PCDHAC2: variants seen among roughly 807,000 people sequenced by gnomAD.
PCDHAC2 encodes the protein protocadherin alpha subfamily C, 2.
Under a neutral mutation model 63.3 loss-of-function variants are expected in PCDHAC2, and 24 were observed. That is an observed-to-expected ratio of 0.38 (90% confidence interval 0.27 to 0.53). The LOEUF is 0.53. Among genes scored for constraint, PCDHAC2 ranks in the 20% least tolerant of loss-of-function variants. PCDHAC2 has a pLI of 0.81. For synonymous variants in PCDHAC2, 569 were observed against 529.4 expected (o/e 1.07, Z -1.03); for missense variants, 1,181 against 1,275.2 (o/e 0.93, Z 1.12).
Position 140,968,960 on chromosome 5 carries a change from T to C in PCDHAC2, c.2194T>C (p.Tyr732His), listed in dbSNP as rs1563384845. 6.2e-7 allele frequency: 1 copy of C among 1,614,212 alleles called. No individual in the cohort carries two copies. Among genetic ancestry groups the C allele is most frequent in the South Asian group, 1.1e-5 (1 of 91,080 alleles). ...CATCATTTTGAGCATCATCAAGTGC[T>C]ACCGCTACACTGCGTATGGCACTGC... ...TIIILSIIKC[Y>H]RYTAYGTACC... The change falls in exon 1 of 4, where the codon TAC becomes CAC. Residue 732 changes from tyrosine to histidine, a missense_variant. Physicochemically the swap from Tyr to His is moderately conservative, Grantham distance 83. Coordinates refer to ENST00000289269, the MANE Select transcript of PCDHAC2 (RefSeq NM_018899.6).
At position 141,011,373 on chromosome 5, in the gene PCDHAC2, TAA is replaced by T. The variant is rs1299941460; in HGVS notation, c.*1437_*1438del. The T allele has an allele frequency of 1.3e-5, 2 of 153,792 alleles. No homozygotes were observed. Among genetic ancestry groups the T allele is most frequent in the Non-Finnish European group, 2.9e-5 (2 of 68,046 alleles). The allele number at this position is 153,792 out of a possible 1,614,324, so 9.5% of individuals were successfully genotyped here. A position where few individuals can be genotyped will look rare whatever the true frequency, so the allele number is the denominator to read the frequency against. The stretch of plus-strand genomic sequence containing the variant: ...CCCATATGTATGCTGTATGCTATGC[TAA>T]GACTCCTGAAATATACTTACTCTGT... On this transcript the variant is annotated 3_prime_UTR_variant, in exon 4 of 4. Coordinates refer to ENST00000289269, the MANE Select transcript of PCDHAC2 (RefSeq NM_018899.6).
intron 1 of PCDHAC2, among the ~76,000 whole-genome samples, chr5:140,976,765 C>T (rs1483381591): frequency 6.6e-6 from 1 of 152,172 alleles, no homozygotes; most frequent in Non-Finnish European, 1.5e-5. Context: ...CAGAAGCCTG[C>T]TAGACTCTGA....
chr5:141,009,946 A>G lies in PCDHAC2; in HGVS notation c.*9A>G, dbSNP rs781855183. On this transcript the variant is annotated 3_prime_UTR_variant, in exon 4 of 4. Transcript: ENST00000289269. ...ACAACAGTGACCAGTGAGGTCCTCA[A>G]ATGGAAACAAGCCACTTAGCCAGTT... 8.8e-6 allele frequency: 14 copies of G among 1,596,354 alleles called. No homozygotes were observed. The highest frequency in any genetic ancestry group is 1.7e-4 in the Middle Eastern group (1 of 5,948).
intron 3 of PCDHAC2, among the ~76,000 whole-genome samples, chr5:140,993,683 G>A (rs2097577653): frequency 6.6e-6 from 1 of 152,080 alleles, no homozygotes; most frequent in Non-Finnish European, 1.5e-5. Flanking sequence ...TGTGACAGCT[G>A]TCCCATAAGA....
chr5:140,993,446 TCTC>T (rs1262965335), intron 3 of PCDHAC2, among the ~76,000 whole-genome samples: 4 of 146,376 alleles, frequency 2.7e-5, no homozygotes, highest in Non-Finnish European at 6.0e-5. Flanking sequence ...TCATTCCTGT[TCTC>T]CTTCTTTCTT....
chr5:140,968,548 G>T lies in PCDHAC2; in HGVS notation c.1782G>T (p.Val594=). Residue 594 remains valine (V), a synonymous_variant, in exon 1 of 4, where the codon GTG becomes GTT. Coordinates refer to ENST00000289269, the MANE Select transcript of PCDHAC2 (RefSeq NM_018899.6). ...STNSSAAFEM[V]PRTAPAGYLV... The stretch of plus-strand genomic sequence containing the variant: ...ACTCGTCAGCAGCCTTCGAGATGGT[G>T]CCTCGAACTGCCCCTGCTGGCTACC... 1 of 1,614,174 alleles carries T rather than the reference G, an allele frequency of 6.2e-7. No individual in the cohort carries two copies. The highest frequency in any genetic ancestry group is 8.5e-7 in the Non-Finnish European group (1 of 1,180,030).
intron 1 of PCDHAC2, among the ~76,000 whole-genome samples, chr5:140,977,031 G>A (rs1554238180): frequency 6.6e-6 from 1 of 152,192 alleles, no homozygotes; most frequent in Admixed American, 6.5e-5. Context: ...ATGAATCTAA[G>A]AAGGATGTTG....
intron 3 of PCDHAC2, among the ~76,000 whole-genome samples, chr5:141,003,916 A>C (rs1176586597): frequency 3.9e-5 from 6 of 152,150 alleles, no homozygotes; most frequent in African/African-American, 1.4e-4. Context: ...TCTTGACTGC[A>C]TCCTCAGTCT....
chr5:140,999,176 T>A (rs546665453), intron 3 of PCDHAC2, among the ~76,000 whole-genome samples: 1 of 152,274 alleles, frequency 6.6e-6, no homozygotes, highest in African/African-American at 2.4e-5. Context: ...AAGAGCCTGA[T>A]GGGGAGAGGG....
At chr5:141,005,488 G>A (rs138290389) in intron 3 of PCDHAC2, among the ~76,000 whole-genome samples, 2,990 of 151,856 alleles carry the variant, frequency 0.02, 115 homozygotes, top group African/African-American at 0.068. Flanking sequence ...CGGATCATGA[G>A]GTCAGGAGAT....
At chr5:140,969,908 T>C (rs1586401643) in intron 1 of PCDHAC2, among the ~76,000 whole-genome samples, 4 of 152,184 alleles carry the variant, frequency 2.6e-5, no homozygotes, top group Non-Finnish European at 4.4e-5. Context: ...ATGTCACAAG[T>C]GATAAAGCTG....
intron 1 of PCDHAC2, among the ~76,000 whole-genome samples, chr5:140,973,202 T>C (rs1266876355): frequency 3.3e-5 from 5 of 152,244 alleles, no homozygotes; most frequent in African/African-American, 1.2e-4. Flanking sequence ...TATGTGTGCA[T>C]ATTCACCCTA....
chr5:140,980,810 GA>G (rs1410107766), intron 2 of PCDHAC2, among the ~76,000 whole-genome samples: 5 of 152,024 alleles, frequency 3.3e-5, no homozygotes, highest in Non-Finnish European at 7.4e-5. Context: ...GTAATACATT[GA>G]ACATATTAAA....
At chr5:140,971,207 A>C (rs2096463327) in intron 1 of PCDHAC2, among the ~76,000 whole-genome samples, 1 of 152,050 alleles carries the variant, frequency 6.6e-6, no homozygotes, top group South Asian at 2.1e-4. Flanking sequence ...AGACACTGTT[A>C]CCCTCCCTCT....
Position 140,996,899 on chromosome 5 carries a change from C to T in PCDHAC2, c.2714-12728C>T, listed in dbSNP as rs529654978. Among the ~76,000 whole-genome samples, 7 of 152,226 alleles carry T rather than the reference C, an allele frequency of 4.6e-5. No individual in the cohort carries two copies. The South Asian group carries it at 1.4e-3, about 32-fold the overall frequency. ...TGTATTTTTAAATAAAATAGAATTA[C>T]ATTGTTGAAGTAAATATTAAAAAAT... is the stretch of plus-strand genomic sequence containing the variant. On this transcript the variant is annotated intron_variant, in intron 3 of 3. Transcript: ENST00000289269.
At chr5:140,980,160 T>C (rs1408251279) in intron 2 of PCDHAC2, among the ~76,000 whole-genome samples, 1 of 152,140 alleles carries the variant, frequency 6.6e-6, no homozygotes, top group East Asian at 1.9e-4. Context: ...TACCAGAATA[T>C]TAGGTATCAG....
chr5:140,984,243 C>T (rs781830326), intron 3 of PCDHAC2, among the ~76,000 whole-genome samples: 2 of 152,246 alleles, frequency 1.3e-5, no homozygotes, highest in Non-Finnish European at 2.9e-5. Context: ...CATTGTAGGT[C>T]GACCTGGTAA....
At chr5:140,999,051 C>T (rs972072595) in intron 3 of PCDHAC2, among the ~76,000 whole-genome samples, 6 of 152,196 alleles carry the variant, frequency 3.9e-5, no homozygotes, top group African/African-American at 9.7e-5. Flanking sequence ...TGCTTTCCAC[C>T]ATGCCTAAGT....
In PCDHAC2 at chr5:140,968,714, G is replaced by A; in HGVS notation, c.1948G>A (p.Asp650Asn). 6.2e-7 allele frequency: 1 copy of A among 1,614,150 alleles called. No homozygotes were observed. Among genetic ancestry groups the A allele is most frequent in the South Asian group, 1.1e-5 (1 of 91,074 alleles). The stretch of plus-strand genomic sequence containing the variant: ...AATTAGGACTACCAGGAAGATGGGA[G>A]ATGAGAGTGGTAGCACTTTCAACCT... ...GEIRTTRKMG[D>N]ESGSTFNLTV... The change falls in exon 1 of 4, where the codon GAT (aspartate) becomes AAT (asparagine). Residue 650 changes from aspartate to asparagine, a missense_variant. By Grantham distance (23) the Asp-to-Asn change is conservative (BLOSUM62 1). Transcript: ENST00000289269.
Sources: allele counts gnomAD v4.1 joint callset (sites outside exome capture counted in the v4.1 genomes callset), GRCh38; gene constraint gnomAD v4.1.1; transcripts MANE v1.5; gene names NCBI Gene and HGNC (gene_info 2026-07-23, HGNC 2026-07-21).